The following FBN1 variants were observed in gnomAD, a reference collection of about 807,000 sequenced individuals.
FBN1 encodes the protein fibrillin 1, also known as fibrillin-1.
A neutral mutation model predicts 365.1 loss-of-function variants in FBN1; 29 were observed. The ratio of observed to expected loss-of-function variants is 0.08; its 90% CI spans 0.06 to 0.11. The LOEUF (loss-of-function observed/expected upper bound fraction) is 0.11. FBN1 is among the 10% of genes least tolerant of loss of function. FBN1 has a pLI of 1.00. For synonymous variants in FBN1, 1,210 were observed against 1,270.5 expected (o/e 0.95, Z 1.01); for missense variants, 2,476 against 3,703.2 (o/e 0.67, Z 8.60).
intron 7 of FBN1, among the ~76,000 whole-genome samples, chr15:48,537,177 C>T (rs1042187583): frequency 1.3e-5 from 2 of 152,076 alleles, no homozygotes; most frequent in African/African-American, 2.4e-5. Context: ...TGCAAAATGT[C>T]GAGAGAAACA....
chr15:48,556,835 C>T (rs1477326169), intron 6 of FBN1, among the ~76,000 whole-genome samples: 3 of 152,112 alleles, frequency 2.0e-5, no homozygotes, highest in Non-Finnish European at 4.4e-5. Flanking sequence ...ATGTGAAATA[C>T]CTGTAATTGT....
At chr15:48,455,118 T>C (rs1207367611) in intron 44 of FBN1, among the ~76,000 whole-genome samples, 2 of 152,172 alleles carry the variant, frequency 1.3e-5, no homozygotes, top group Non-Finnish European at 2.9e-5. Flanking sequence ...ATTTTCCTAT[T>C]CTAAGAGCTA....
At chr15:48,486,926 A>G in intron 29 of FBN1, 149 bp downstream of exon 29, 1 of 526,678 alleles carries the variant, frequency 1.9e-6, no homozygotes, top group Non-Finnish European at 2.9e-6. Flanking sequence ...AACAAGAAAG[A>G]TAAGTAAAAG....
chr15:48,487,380 G>A lies in FBN1; in HGVS notation c.3395C>T (p.Thr1132Ile), dbSNP rs772094802. Residue 1132 changes from threonine (T) to isoleucine (I), a missense_variant, in exon 28 of 66, where the codon ACA becomes ATA. Transcript: ENST00000316623. The part of the protein sequence containing the change: ...LLCRGGVCHN[T>I]EGSYRCECPP... ...GCATTCACAGCGGTAACTTCCCTCT[G>A]TGTTATGGCAAACACCACCTCGGCA... is the stretch of plus-strand genomic sequence containing the variant. The A allele has an allele frequency of 5.0e-6, 8 of 1,614,054 alleles. No homozygotes were observed. Among genetic ancestry groups the A allele is most frequent in the Non-Finnish European group, 6.8e-6 (8 of 1,180,042 alleles).
Position 48,445,106 on chromosome 15 carries a change from T to TTATA in FBN1, c.5917+266_5917+269dup, listed in dbSNP as rs201741491. 7.6e-5 allele frequency among the ~76,000 whole-genome samples: 11 copies of TTATA among 145,634 alleles called. No individual in the cohort carries two copies. The East Asian group carries it at 2.2e-3, about 29-fold the overall frequency. On this transcript the variant is annotated intron_variant, in intron 48 of 65. Transcript: ENST00000316623. ...ATTTTTAAAATAAGGGAAAAAGTGA[T>TTATA]TATATATATATATACACATATATAT...
intron 6 of FBN1, among the ~76,000 whole-genome samples, chr15:48,539,975 T>C (rs1309362383): frequency 1.3e-5 from 2 of 152,216 alleles, no homozygotes; most frequent in Non-Finnish European, 2.9e-5. Flanking sequence ...AATACTGAGC[T>C]GTTGAATAAA....
chr15:48,520,739 A>C lies in FBN1; in HGVS notation c.1067T>G (p.Met356Arg). The C allele has an allele frequency of 1.2e-6, 2 of 1,614,202 alleles. No individual in the cohort carries two copies. The highest frequency in any genetic ancestry group is 1.1e-5 in the South Asian group (1 of 91,082). Residue 356 changes from methionine (M) to arginine (R), a missense_variant, in exon 10 of 66, where the codon ATG (methionine) becomes AGG (arginine). Met to Arg is a moderately conservative substitution (Grantham distance 91, BLOSUM62 -1). This residue lies in a region of FBN1 where 421 missense variants were observed against 520.1 expected (regional missense o/e 0.81). Coordinates refer to ENST00000316623, the MANE Select transcript of FBN1 (RefSeq NM_000138.5). ...TCGGCCGGCATCACAGCAGCACTGC[A>C]TTTTGGTTATGGACTGTGGCAGCTG... is the stretch of plus-strand genomic sequence containing the variant. ...SNQLPQSITK[M>R]QCCCDAGRCW...
chr15:48,510,190 G>A (rs2043747466), intron 13 of FBN1, 21 bp from the exon 14 acceptor site: 1 of 1,611,308 alleles, frequency 6.2e-7, no homozygotes, highest in Admixed American at 1.7e-5. Context: ...AGTTTAAAAA[G>A]AAGAAATAGC....
At chr15:48,613,802 C>T (rs181511150) in intron 2 of FBN1, among the ~76,000 whole-genome samples, 2 of 152,188 alleles carry the variant, frequency 1.3e-5, no homozygotes, top group Non-Finnish European at 2.9e-5. Context: ...GTGGCACGCA[C>T]CTGTAGTCCC....
At chr15:48,507,928 T>C (rs1234972233) in intron 15 of FBN1, among the ~76,000 whole-genome samples, 1 of 152,134 alleles carries the variant, frequency 6.6e-6, no homozygotes, top group East Asian at 1.9e-4. Context: ...AGGACCCCAA[T>C]TCTCAACAGC....
At chr15:48,473,661 GATA>G (rs1214235377) in intron 34 of FBN1, among the ~76,000 whole-genome samples, 2 of 152,046 alleles carry the variant, frequency 1.3e-5, no homozygotes, top group Admixed American at 1.3e-4. Context: ...TGATGATGAC[GATA>G]ATGATGATGA....
intron 8 of FBN1, among the ~76,000 whole-genome samples, chr15:48,530,647 T>C (rs1408092793): frequency 1.3e-5 from 2 of 151,920 alleles, no homozygotes; most frequent in Non-Finnish European, 2.9e-5. Flanking sequence ...TGAAAGAGGA[T>C]GGAGCCCCAT....
At chr15:48,485,606 C>A (rs927313841) in intron 29 of FBN1, 110 bp from the exon 30 acceptor site, 3 of 1,218,926 alleles carry the variant, frequency 2.5e-6, no homozygotes, top group Non-Finnish European at 1.2e-6. Flanking sequence ...AGAGGCAGGG[C>A]CTTTAAAAGA....
chr15:48,558,091 A>G (rs1212979906), intron 6 of FBN1, among the ~76,000 whole-genome samples: 2 of 152,178 alleles, frequency 1.3e-5, no homozygotes, highest in Non-Finnish European at 2.9e-5. Flanking sequence ...CCAAGTTACC[A>G]TCCAACTCCA....
At chr15:48,483,971 G>C in intron 30 of FBN1, 28 bp from the exon 31 acceptor site, 1 of 1,609,732 alleles carries the variant, frequency 6.2e-7, no homozygotes, top group Non-Finnish European at 8.5e-7. Flanking sequence ...AACAACCACA[G>C]GTTGTTGATA....
chr15:48,461,596 T>G (rs1384631547), intron 42 of FBN1, among the ~76,000 whole-genome samples: 4 of 152,220 alleles, frequency 2.6e-5, no homozygotes. Context: ...TACATATAAA[T>G]GCACACCAGG....
At position 48,495,076 on chromosome 15, in the gene FBN1, A is replaced by G. The variant is rs762594426; in HGVS notation, c.2677+47T>C. On this transcript the variant is annotated intron_variant, in intron 22 of 65. Coordinates refer to ENST00000316623, the MANE Select transcript of FBN1 (RefSeq NM_000138.5). ...AATACTAGGCTTCCCCTTTTTATGCAAAGACCATTGGAGTGGTATAGGAAC... is the reference window on the plus strand; with the variant it reads ...AATACTAGGCTTCCCCTTTTTATGCGAAGACCATTGGAGTGGTATAGGAAC... 21 of 1,612,720 alleles carry G rather than the reference A, an allele frequency of 1.3e-5. No individual in the cohort carries two copies. The African/African-American group carries it at 2.7e-4, about 21-fold the overall frequency.
At chr15:48,574,506 G>A (rs1049985624) in intron 6 of FBN1, among the ~76,000 whole-genome samples, 2 of 151,974 alleles carry the variant, frequency 1.3e-5, no homozygotes, top group Non-Finnish European at 2.9e-5. Context: ...CCTAAAGGCA[G>A]TAGGAAGTGG....
intron 2 of FBN1, among the ~76,000 whole-genome samples, chr15:48,624,410 G>A (rs369773974): frequency 6.6e-6 from 1 of 152,232 alleles, no homozygotes; most frequent in South Asian, 2.1e-4. Context: ...CTTCTCCAAG[G>A]GAGGGCATCT....
Sources: gnomAD v4.1 joint callset for allele counts (sites outside exome capture counted in the v4.1 genomes callset) on GRCh38, gnomAD v4.1.1 for gene constraint, gnomAD v4.1.1 regional missense constraint, MANE v1.5 for transcripts, NCBI Gene and HGNC (gene_info 2026-07-23, HGNC 2026-07-21) for gene names.